The following RPS6KC1 variants were observed in gnomAD, a reference collection of about 807,000 sequenced individuals.
RPS6KC1 encodes ribosomal protein S6 kinase C1, also known as inactive ribosomal protein S6 kinase delta-1.
Under a neutral mutation model 103.8 loss-of-function variants are expected in RPS6KC1, and 54 were observed. That is an observed-to-expected ratio of 0.52 (90% CI 0.42 to 0.65). RPS6KC1 has a LOEUF of 0.65. Ranked by LOEUF, RPS6KC1 falls within the 30% of genes least tolerant of loss-of-function variation. The pLI, the probability that RPS6KC1 is intolerant of heterozygous loss-of-function variation, is 0.00. For missense variants in RPS6KC1, 1,151 were observed against 1,253.8 expected, an observed-to-expected ratio of 0.92 and a Z score of 1.24; for synonymous variants, 439 against 438.7, an observed-to-expected ratio of 1.00 and a Z score of -0.01.
intron 12 of RPS6KC1, among the ~76,000 whole-genome samples, chr1:213,245,739 TA>T (rs1311656340): frequency 6.6e-6 from 1 of 152,106 alleles, no homozygotes; most frequent in African/African-American, 2.4e-5. Context: ...TTCTGCTCTA[TA>T]AATAAGTTTA....
chr1:213,427,801 G>A, the RPS6KC1 span, among the ~76,000 whole-genome samples: 1 of 152,162 alleles, frequency 6.6e-6, no homozygotes, highest in Admixed American at 6.5e-5. Flanking sequence ...AGCTTACCTT[G>A]TGATCGGCTC....
chr1:213,805,273 CA>C, the RPS6KC1 span, among the ~76,000 whole-genome samples: 1 of 152,148 alleles, frequency 6.6e-6, no homozygotes, highest in Non-Finnish European at 1.5e-5. Flanking sequence ...GACTCAATCA[CA>C]AAAGATTTCT....
chr1:213,615,766 G>A, the RPS6KC1 span, among the ~76,000 whole-genome samples: 4 of 152,348 alleles, frequency 2.6e-5, no homozygotes, highest in East Asian at 5.8e-4. Context: ...GTGTCCCTGT[G>A]AGAATGTACA....
At position 213,272,731 on chromosome 1, in the gene RPS6KC1, C is replaced by T; in HGVS notation, c.*97C>T. On this transcript the variant is annotated 3_prime_UTR_variant, in exon 15 of 15. Transcript: ENST00000366960. ...TGACTCACAGTTACTTATGGAGCAC[C>T]AAAGCATTTGGATAAAGACCGTTAT... The T allele has an allele frequency of 1.2e-6, 1 of 841,824 alleles. No individual in the cohort carries two copies. Among genetic ancestry groups the T allele is most frequent in the South Asian group, 1.5e-5 (1 of 67,898 alleles). 52.1% of individuals were successfully genotyped at this position (841,824 alleles called of 1,614,324 possible).
chr1:213,755,435 G>A, the RPS6KC1 span, among the ~76,000 whole-genome samples: 3 of 152,166 alleles, frequency 2.0e-5, no homozygotes, highest in South Asian at 4.1e-4. Context: ...TGCCCACTGG[G>A]CATTAACTCC....
At chr1:213,209,539 T>A (rs2093442461) in intron 8 of RPS6KC1, among the ~76,000 whole-genome samples, 1 of 151,740 alleles carries the variant, frequency 6.6e-6, no homozygotes, top group African/African-American at 2.4e-5. Context: ...CTACTAAAAA[T>A]ACAAAATTAG....
chr1:213,172,810 T>C (rs1038722996), intron 7 of RPS6KC1, among the ~76,000 whole-genome samples: 1 of 152,240 alleles, frequency 6.6e-6, no homozygotes, highest in Admixed American at 6.5e-5. Flanking sequence ...TCTTCCCTTG[T>C]CTTTAGTCCT....
the RPS6KC1 span, among the ~76,000 whole-genome samples, chr1:213,724,310 C>A: frequency 6.6e-6 from 1 of 152,224 alleles, no homozygotes; most frequent in Non-Finnish European, 1.5e-5. Flanking sequence ...AAACTCCTGA[C>A]CTCAGGTGAT....
At chr1:213,682,040 C>T in the RPS6KC1 span, among the ~76,000 whole-genome samples, 1 of 152,144 alleles carries the variant, frequency 6.6e-6, no homozygotes, top group Admixed American at 6.5e-5. Flanking sequence ...TTTTCTATTC[C>T]TGCCTTTGAT....
the RPS6KC1 span, among the ~76,000 whole-genome samples, chr1:213,856,187 G>A: frequency 9.9e-5 from 15 of 152,162 alleles, no homozygotes; most frequent in Non-Finnish European, 1.8e-4. Flanking sequence ...ACACACAGTG[G>A]AGGATATAAA....
At chr1:213,130,707 A>G (rs572722178) in intron 6 of RPS6KC1, among the ~76,000 whole-genome samples, 1 of 152,294 alleles carries the variant, frequency 6.6e-6, no homozygotes, top group Admixed American at 6.5e-5. Flanking sequence ...TTTCTGGAGT[A>G]TAAACTTTCA....
At chr1:213,781,511 T>G in the RPS6KC1 span, among the ~76,000 whole-genome samples, 1 of 152,186 alleles carries the variant, frequency 6.6e-6, no homozygotes, top group Non-Finnish European at 1.5e-5. Context: ...AATGGAAATT[T>G]TAGGGAAATC....
At position 213,077,692 on chromosome 1, in the gene RPS6KC1, C is replaced by G. The variant is rs1398608786; in HGVS notation, c.142-4C>G. 3 of 1,422,668 alleles carry G rather than the reference C, an allele frequency of 2.1e-6. No homozygotes were observed. 88.1% of individuals were successfully genotyped at this position (1,422,668 alleles called of 1,614,324 possible). ...AGATACATGTTTAATTTTTTTCTCT[C>G]TAGATAATTGTATGGAAGAGATACA... is the stretch of plus-strand genomic sequence containing the variant. On this transcript the variant is annotated splice_region_variant and splice_polypyrimidine_tract_variant and intron_variant, in intron 2 of 14. Transcript: ENST00000366960.
intron 8 of RPS6KC1, among the ~76,000 whole-genome samples, chr1:213,223,358 C>G (rs1321655872): frequency 1.3e-5 from 2 of 152,164 alleles, no homozygotes; most frequent in East Asian, 3.9e-4. Flanking sequence ...TATCCTTCAC[C>G]CACCTCACAA....
the RPS6KC1 span, among the ~76,000 whole-genome samples, chr1:213,607,230 A>C: frequency 1.2e-4 from 18 of 152,372 alleles, no homozygotes; most frequent in Middle Eastern, 3.4e-3. Flanking sequence ...GGAAATAAGC[A>C]CAATTTCAGT....
At chr1:213,576,449 T>C in the RPS6KC1 span, among the ~76,000 whole-genome samples, 1 of 150,784 alleles carries the variant, frequency 6.6e-6, no homozygotes, top group Non-Finnish European at 1.5e-5. Context: ...ATTTTTCCAA[T>C]GGCATGTATT....
At chr1:213,721,967 T>C in the RPS6KC1 span, among the ~76,000 whole-genome samples, 1 of 152,188 alleles carries the variant, frequency 6.6e-6, no homozygotes, top group African/African-American at 2.4e-5. Context: ...CATTACTTCA[T>C]TAGCTTTCCT....
chr1:213,468,117 G>T, the RPS6KC1 span, among the ~76,000 whole-genome samples: 3,964 of 152,204 alleles, frequency 0.026, 162 homozygotes, highest in African/African-American at 0.083. Flanking sequence ...ATTTTGAAAG[G>T]CTTTCCCCTC....
the RPS6KC1 span, among the ~76,000 whole-genome samples, chr1:213,535,095 G>A: frequency 1.3e-5 from 2 of 152,320 alleles, no homozygotes; most frequent in South Asian, 4.1e-4. Flanking sequence ...GATCAGCTTA[G>A]GTCAAGCAGG....
Sources: allele counts gnomAD v4.1 joint callset (sites outside exome capture counted in the v4.1 genomes callset), GRCh38; gene constraint gnomAD v4.1.1; transcripts MANE v1.5; gene names NCBI Gene and HGNC (gene_info 2026-07-23, HGNC 2026-07-21).